The following EYA1 variants were observed in gnomAD, a reference collection of about 807,000 sequenced individuals.
EYA1 encodes EYA transcriptional coactivator and phosphatase 1, also known as protein phosphatase EYA1.
A neutral mutation model predicts 82.0 loss-of-function variants in EYA1; 16 were observed. The observed-to-expected ratio is 0.20, with a 90% CI of 0.13 to 0.30. The LOEUF (loss-of-function observed/expected upper bound fraction) is 0.30. Among genes scored for constraint, EYA1 ranks in the 10% least tolerant of loss-of-function variants. The pLI, the probability that EYA1 is intolerant of heterozygous loss-of-function variation, is 1.00. For missense variants in EYA1, 633 were observed against 730.7 expected (o/e 0.87, Z 1.54); for synonymous variants, 261 against 264.4 (o/e 0.99, Z 0.12).
At chr8:71,419,666 A>G (rs1288865534) in intron 2 of EYA1, among the ~76,000 whole-genome samples, 1 of 152,096 alleles carries the variant, frequency 6.6e-6, no homozygotes, top group East Asian at 1.9e-4. Context: ...TTATTTTGAA[A>G]TTTTCCATAA....
intron 2 of EYA1, among the ~76,000 whole-genome samples, chr8:71,528,178 G>C (rs1813959976): frequency 6.6e-6 from 1 of 152,042 alleles, no homozygotes; most frequent in Non-Finnish European, 1.5e-5. Flanking sequence ...CAATGGTTAG[G>C]GCCCCTCTTT....
intron 17 of EYA1, among the ~76,000 whole-genome samples, chr8:71,206,611 G>A (rs932598803): frequency 3.9e-5 from 6 of 152,162 alleles, no homozygotes; most frequent in Admixed American, 2.6e-4. Flanking sequence ...GATTTTGGCC[G>A]AATTATTCAC....
chr8:71,290,087 A>C (rs1818829585), intron 9 of EYA1, among the ~76,000 whole-genome samples: 1 of 152,076 alleles, frequency 6.6e-6, no homozygotes, highest in African/African-American at 2.4e-5. Context: ...TCCCATGTTC[A>C]TGTGTTATTA....
intron 1 of EYA1, among the ~76,000 whole-genome samples, chr8:71,536,814 G>A (rs1214109516): frequency 6.6e-6 from 1 of 152,136 alleles, no homozygotes; most frequent in African/African-American, 2.4e-5. Context: ...CACATATTAG[G>A]AAAGCTACTA....
At chr8:71,495,482 C>T (rs980724050) in intron 2 of EYA1, among the ~76,000 whole-genome samples, 8 of 152,002 alleles carry the variant, frequency 5.3e-5, no homozygotes, top group Non-Finnish European at 1.0e-4. Flanking sequence ...GACCTGGTGG[C>T]GTGCCTGTAA....
chr8:71,255,848 T>G (rs918862621), intron 11 of EYA1, among the ~76,000 whole-genome samples: 1 of 151,840 alleles, frequency 6.6e-6, no homozygotes, highest in Non-Finnish European at 1.5e-5. Flanking sequence ...ATCCAGAATA[T>G]GTAAAGACCT....
chr8:71,447,821 C>T (rs955458976), intron 2 of EYA1, among the ~76,000 whole-genome samples: 2 of 152,124 alleles, frequency 1.3e-5, no homozygotes, highest in African/African-American at 4.8e-5. Flanking sequence ...GATCATTCAG[C>T]AAGTCTTTTG....
intron 2 of EYA1, among the ~76,000 whole-genome samples, chr8:71,424,987 G>A (rs184423798): frequency 2.4e-4 from 37 of 151,876 alleles, no homozygotes; most frequent in African/African-American, 8.5e-4. Flanking sequence ...TAGGCCGGGC[G>A]CGGTGGCTCA....
At chr8:71,226,754 C>A (rs182284977) in intron 12 of EYA1, among the ~76,000 whole-genome samples, 3 of 151,056 alleles carry the variant, frequency 2.0e-5, no homozygotes, top group East Asian at 3.9e-4. Context: ...TTGTAAATTT[C>A]TTTGCTTTTT....
chr8:71,391,006 C>T (rs536412293), intron 2 of EYA1, among the ~76,000 whole-genome samples: 23 of 152,114 alleles, frequency 1.5e-4, no homozygotes, highest in African/African-American at 5.3e-4. Context: ...CAGGGTCTCG[C>T]TCTGTCATCC....
intron 2 of EYA1, among the ~76,000 whole-genome samples, chr8:71,473,147 C>A (rs1296044126): frequency 7.3e-5 from 11 of 151,584 alleles, no homozygotes. Context: ...TAAATTGATT[C>A]ATTTATGTAT....
At chr8:71,255,620 A>AT (rs1814317570) in intron 11 of EYA1, among the ~76,000 whole-genome samples, 1 of 152,228 alleles carries the variant, frequency 6.6e-6, no homozygotes, top group East Asian at 1.9e-4. Flanking sequence ...AACCTAAATG[A>AT]AAGACCTAAA....
chr8:71,246,899 C>T (rs1448347841), intron 11 of EYA1, among the ~76,000 whole-genome samples: 2 of 151,796 alleles, frequency 1.3e-5, no homozygotes, highest in Non-Finnish European at 2.9e-5. Context: ...CTGCCCACCC[C>T]TAGCACTGCC....
In EYA1 at chr8:71,362,043, A is replaced by C; in HGVS notation, c.-451T>G. The C allele has an allele frequency of 2.0e-6, 2 of 985,376 alleles. No homozygotes were observed. The highest frequency in any genetic ancestry group is 2.4e-6 in the Non-Finnish European group (2 of 829,992). The allele number at this position is 985,376 out of a possible 1,614,324, so 61.0% of individuals were successfully genotyped here. On this transcript the variant is annotated 5_prime_UTR_variant, in exon 1 of 18. Transcript: ENST00000340726. ...TTGCGCCCAGCGCTCCTTCCCCACC[A>C]AACAGCAGCGGCAGATAGCATCTGA...
chr8:71,349,183 C>A (rs1008106636), intron 3 of EYA1, among the ~76,000 whole-genome samples: 3 of 152,214 alleles, frequency 2.0e-5, no homozygotes, highest in Non-Finnish European at 4.4e-5. Flanking sequence ...GAAGGACTCT[C>A]ACACACTCAC....
intron 1 of EYA1, among the ~76,000 whole-genome samples, chr8:71,357,103 A>G (rs1826963291): frequency 6.6e-6 from 1 of 152,212 alleles, no homozygotes; most frequent in African/African-American, 2.4e-5. Context: ...TAACTATATA[A>G]GGCAAAGGCA....
chr8:71,451,885 T>C (rs1205820683), intron 2 of EYA1, among the ~76,000 whole-genome samples: 6 of 152,150 alleles, frequency 3.9e-5, no homozygotes, highest in Non-Finnish European at 8.8e-5. Context: ...AACTGAGGTA[T>C]CAGGTTCATC....
At chr8:71,418,805 G>A (rs1789728303) in intron 2 of EYA1, among the ~76,000 whole-genome samples, 2 of 152,126 alleles carry the variant, frequency 1.3e-5, no homozygotes, top group Non-Finnish European at 2.9e-5. Flanking sequence ...GGGATGAAGG[G>A]CAACAATGGG....
chr8:71,324,399 T>C (rs1360368171), intron 4 of EYA1, among the ~76,000 whole-genome samples: 2 of 152,204 alleles, frequency 1.3e-5, no homozygotes, highest in Non-Finnish European at 2.9e-5. Context: ...ACTTCTTCTA[T>C]GTGGGCTTAG....
Sources: allele counts gnomAD v4.1 joint callset (sites outside exome capture counted in the v4.1 genomes callset), GRCh38; gene constraint gnomAD v4.1.1; transcripts MANE v1.5; gene names NCBI Gene and HGNC (gene_info 2026-07-23, HGNC 2026-07-21).